Variants in ZNF407 observed in about 807,000 individuals in gnomAD.
The protein encoded by ZNF407 is zinc finger protein 407.
ZNF407 carries 17 observed loss-of-function variants against 131.2 expected under a neutral mutation model. The ratio of observed to expected loss-of-function variants is 0.13; its 90% CI spans 0.09 to 0.19. The LOEUF is 0.19. ZNF407 is among the 10% of genes least tolerant of loss of function. The pLI, the probability that ZNF407 is intolerant of heterozygous loss-of-function variation, is 1.00. For missense variants in ZNF407, 2,681 were observed against 2,830.6 expected (o/e 0.95, Z 1.20); for synonymous variants, 1,156 against 1,062.0 (o/e 1.09, Z -1.72).
At chr18:74,895,825 C>G (rs1284492935) in intron 7 of ZNF407, among the ~76,000 whole-genome samples, 2 of 152,166 alleles carry the variant, frequency 1.3e-5, no homozygotes, top group Admixed American at 1.3e-4. Context: ...TCAGCAGCCT[C>G]CTGAGTTAGG....
intron 4 of ZNF407, among the ~76,000 whole-genome samples, chr18:74,841,335 G>A (rs1261591844): frequency 1.3e-5 from 2 of 152,096 alleles, no homozygotes; most frequent in Non-Finnish European, 2.9e-5. Context: ...CCTCAGGGGG[G>A]CTGCTAACTG....
At chr18:74,951,966 A>T (rs1157905137) in intron 8 of ZNF407, among the ~76,000 whole-genome samples, 1 of 152,194 alleles carries the variant, frequency 6.6e-6, no homozygotes, top group Non-Finnish European at 1.5e-5. Flanking sequence ...CTAAGTTAGA[A>T]ATTAGAAAAT....
At chr18:75,022,132 GA>G (rs59536054) in intron 8 of ZNF407, among the ~76,000 whole-genome samples, 2 of 151,816 alleles carry the variant, frequency 1.3e-5, no homozygotes, top group Non-Finnish European at 2.9e-5. Flanking sequence ...TTTTTTAAAA[GA>G]AAAAAATGAT....
intron 3 of ZNF407, among the ~76,000 whole-genome samples, chr18:74,664,513 A>G (rs1270593832): frequency 6.6e-6 from 1 of 152,156 alleles, no homozygotes; most frequent in Non-Finnish European, 1.5e-5. Flanking sequence ...ACAAACAAAC[A>G]AACAAAAGGA....
chr18:74,864,958 A>G (rs927724838), intron 4 of ZNF407, among the ~76,000 whole-genome samples: 2 of 152,212 alleles, frequency 1.3e-5, no homozygotes, highest in Non-Finnish European at 2.9e-5. Context: ...TGCTAAGAGA[A>G]GATTCTTTAA....
intron 3 of ZNF407, among the ~76,000 whole-genome samples, chr18:74,672,445 C>CTGTTCGTTGGAGCACTGTT (rs1986179822): frequency 6.9e-6 from 1 of 144,878 alleles, no homozygotes. Context: ...CACTGTTTGT[C>CTGTTCGTTGGAGCACTGTT]TGTTCATTGG....
intron 3 of ZNF407, among the ~76,000 whole-genome samples, chr18:74,709,853 T>C (rs952842608): frequency 6.6e-6 from 1 of 152,240 alleles, no homozygotes; most frequent in Non-Finnish European, 1.5e-5. Context: ...GCATCATGTG[T>C]TTCCTCCAAC....
chr18:74,945,460 A>T (rs1253347562), intron 8 of ZNF407, among the ~76,000 whole-genome samples: 1 of 152,186 alleles, frequency 6.6e-6, no homozygotes, highest in African/African-American at 2.4e-5. Context: ...GAGAAAAGAC[A>T]GAGTTTGGCT....
intron 3 of ZNF407, among the ~76,000 whole-genome samples, chr18:74,759,554 T>A (rs1969044546): frequency 6.6e-6 from 1 of 152,070 alleles, no homozygotes; most frequent in South Asian, 2.1e-4. Context: ...TTCTCCTTTT[T>A]CACCTTCATT....
chr18:74,717,673 A>T (rs1967927724), intron 3 of ZNF407, among the ~76,000 whole-genome samples: 1 of 152,046 alleles, frequency 6.6e-6, no homozygotes, highest in South Asian at 2.1e-4. Flanking sequence ...TAGAAACTTT[A>T]AAAAAAATGT....
intron 3 of ZNF407, among the ~76,000 whole-genome samples, chr18:74,765,123 TG>T (rs1451061135): frequency 6.6e-6 from 1 of 152,186 alleles, no homozygotes; most frequent in Non-Finnish European, 1.5e-5. Flanking sequence ...GGATGGAGTT[TG>T]GTATCTGCAG....
At chr18:74,866,529 A>G (rs548454466) in intron 4 of ZNF407, among the ~76,000 whole-genome samples, 6 of 152,148 alleles carry the variant, frequency 3.9e-5, no homozygotes, top group Non-Finnish European at 8.8e-5. Context: ...TAAATCTAGC[A>G]TATGTACTCA....
At chr18:74,793,013 G>A (rs1969854431) in intron 4 of ZNF407, among the ~76,000 whole-genome samples, 1 of 152,134 alleles carries the variant, frequency 6.6e-6, no homozygotes, top group South Asian at 2.1e-4. Flanking sequence ...CCATAACATT[G>A]TCGATTCCTA....
intron 8 of ZNF407, among the ~76,000 whole-genome samples, chr18:75,014,841 G>C (rs1973024606): frequency 6.6e-6 from 1 of 152,078 alleles, no homozygotes; most frequent in Admixed American, 6.6e-5. Flanking sequence ...TGAATAGAAA[G>C]TCAGCTTGTA....
At chr18:74,763,438 C>T (rs9950498) in intron 3 of ZNF407, among the ~76,000 whole-genome samples, 23,929 of 150,944 alleles carry the variant, frequency 0.16, 3,253 homozygotes, top group African/African-American at 0.37. Context: ...TCCATGTAGT[C>T]CAATTTATAC....
At position 75,027,010 on chromosome 18, in the gene ZNF407, G is replaced by A. The variant is rs962910374; in HGVS notation, c.5429-36140G>A. On this transcript the variant is annotated intron_variant, in intron 8 of 8. Coordinates refer to ENST00000299687, the MANE Select transcript of ZNF407 (RefSeq NM_017757.3). ...TAGGTGTAAAATAACTGCAAGTTACGACAAGGCCATGAGTCAAAGAAAGCA... is the reference window on the plus strand; with the variant it reads ...TAGGTGTAAAATAACTGCAAGTTACAACAAGGCCATGAGTCAAAGAAAGCA... Among the ~76,000 whole-genome samples, 4 of 152,170 alleles carry A rather than the reference G, an allele frequency of 2.6e-5. No individual in the cohort carries two copies. The South Asian group carries it at 6.2e-4, about 24-fold the overall frequency.
At chr18:74,943,690 T>C (rs1047667282) in intron 8 of ZNF407, among the ~76,000 whole-genome samples, 2 of 152,180 alleles carry the variant, frequency 1.3e-5, no homozygotes, top group Non-Finnish European at 2.9e-5. Context: ...CTATTTCCCG[T>C]GAAGTAACTA....
At chr18:74,761,033 T>G (rs1473857375) in intron 3 of ZNF407, among the ~76,000 whole-genome samples, 1 of 152,204 alleles carries the variant, frequency 6.6e-6, no homozygotes, top group African/African-American at 2.4e-5. Context: ...TCATGGTGAT[T>G]ATCTATTTAG....
intron 7 of ZNF407, among the ~76,000 whole-genome samples, chr18:74,894,983 A>G (rs76220617): frequency 0.053 from 8,006 of 150,522 alleles, 325 homozygotes; most frequent in Non-Finnish European, 0.074. Flanking sequence ...ATCTTTCTCT[A>G]TTTTTCTTTT....
Sources: gnomAD v4.1 joint callset for allele counts (sites outside exome capture counted in the v4.1 genomes callset) on GRCh38, gnomAD v4.1.1 for gene constraint, MANE v1.5 for transcripts, NCBI Gene and HGNC (gene_info 2026-07-23, HGNC 2026-07-21) for gene names.